Variants in RNF19B observed in about 807,000 individuals in gnomAD.
RNF19B encodes ring finger protein 19B.
RNF19B carries 23 observed loss-of-function variants against 65.5 expected under a neutral mutation model. That is an observed-to-expected ratio of 0.35 (90% CI 0.25 to 0.50). The LOEUF (loss-of-function observed/expected upper bound fraction) is 0.50. RNF19B is among the 20% of genes least tolerant of loss of function. The pLI, the probability that RNF19B is intolerant of heterozygous loss-of-function variation, is 0.98. For synonymous variants in RNF19B, 372 were observed against 379.6 expected (o/e 0.98, Z 0.23); for missense variants, 794 against 980.0 (o/e 0.81, Z 2.53).
chr1:32,952,615 G>A lies in RNF19B; in HGVS notation c.636-2841C>T, dbSNP rs1219967180. On this transcript the variant is annotated intron_variant, in intron 1 of 8. Transcript: ENST00000235150. ...AAATTAGCTGGGCATGGTGGCGGGC[G>A]CCTGTAATCCCAGCTACTCAGGAGG... 4.0e-5 allele frequency among the ~76,000 whole-genome samples: 6 copies of A among 150,362 alleles called. 1 individual carries two copies. The highest frequency in any genetic ancestry group is 3.9e-4 in the East Asian group (2 of 5,170).
intron 4 of RNF19B, 57 bp downstream of exon 4, chr1:32,946,345 C>A (rs780027556): frequency 5.6e-5 from 85 of 1,521,660 alleles, no homozygotes; most frequent in Non-Finnish European, 7.4e-5. Flanking sequence ...TTCCCTCAAA[C>A]CTTTACTAAC....
At chr1:32,956,071 GA>G (rs1642632203) in intron 1 of RNF19B, among the ~76,000 whole-genome samples, 2 of 151,814 alleles carry the variant, frequency 1.3e-5, no homozygotes, top group Admixed American at 1.3e-4. Flanking sequence ...CTCTACGAAA[GA>G]CACAAAAATT....
Position 32,940,542 on chromosome 1 carries a change from A to G in RNF19B, c.1610+1710T>C, listed in dbSNP as rs77616631. ...GGGCTTTCATGTTGCTTTTCCCTAT[A>G]TTCTCTATACTGAACCAAAATTAGT... On this transcript the variant is annotated intron_variant, in intron 7 of 8. Transcript: ENST00000235150. Among the ~76,000 whole-genome samples the G allele has an allele frequency of 7.6e-3, 1,157 of 152,224 alleles. 4 individuals are homozygous for G. Among genetic ancestry groups the G allele is most frequent in the Middle Eastern group, 0.017 (5 of 292 alleles).
downstream of RNF19B, among the ~76,000 whole-genome samples, chr1:32,934,978 T>C (rs900893450): frequency 2.1e-5 from 3 of 141,070 alleles, no homozygotes; most frequent in Non-Finnish European, 3.1e-5. Flanking sequence ...ACTACAGGTG[T>C]GCGCCACCAC....
rs1398449978 is a variant in RNF19B, at chr1:32,938,432, G to A, written c.1707C>T (p.Ala569=). Residue 569 remains alanine, a synonymous_variant, in exon 8 of 9, where the codon GCC becomes GCT. Transcript: ENST00000235150. ...GGTTGTAGGAACTGATTATGGAACC[G>A]GCCATAGCACGAGTGCTTGCGTTGT... ...ISDNASTRAM[A]GSIISSYNPQ... The A allele has an allele frequency of 1.2e-6, 2 of 1,614,036 alleles. No homozygotes were observed. The highest frequency in any genetic ancestry group is 8.5e-7 in the Non-Finnish European group (1 of 1,180,024).
rs188312666 is a variant in RNF19B at position 32,953,002 on chromosome 1, C to T, written c.636-3228G>A. 3.5e-3 allele frequency among the ~76,000 whole-genome samples: 490 copies of T among 141,626 alleles called. 3 individuals are homozygous for T. Among genetic ancestry groups the T allele is most frequent in the African/African-American group, 0.012 (447 of 38,000 alleles). The allele number at this position is 141,626 out of a possible 152,430, so 92.9% of individuals were successfully genotyped here. ...TTTTTTTTGAAGACAAGGTCCCACT[C>T]TGTTGCCCAGCTTCTGGACAGTGGT... On this transcript the variant is annotated intron_variant, in intron 1 of 8. Coordinates refer to ENST00000235150, the MANE Select transcript of RNF19B (RefSeq NM_001300826.2).
intron 2 of RNF19B, 53 bp from the exon 3 acceptor site, chr1:32,948,416 GTTTGA>G (rs776545258): frequency 2.5e-6 from 4 of 1,576,924 alleles, no homozygotes; most frequent in Non-Finnish European, 3.5e-6. Context: ...GTTAAATCCA[GTTTGA>G]TTTAATTGTT....
Position 32,936,862 on chromosome 1 carries a change from C to A in RNF19B, c.2140G>T (p.Ala714Ser). 6.2e-7 allele frequency: 1 copy of A among 1,609,140 alleles called. No homozygotes were observed. The change falls in exon 9 of 9, where the codon GCC (alanine) becomes TCC (serine). Residue 714 changes from alanine to serine, a missense_variant. Ala to Ser is a moderately conservative substitution (Grantham distance 99). This residue lies in a region of RNF19B where 368 missense variants were observed against 447.3 expected (regional missense o/e 0.82). Transcript: ENST00000235150. ...PSPSAHMNLSALAEGQTVLKP... is the reference protein window; with the variant it reads ...PSPSAHMNLSSLAEGQTVLKP... ...AAGACAGTTTGTCCCTCGGCTAGGG[C>A]AGAGAGGTTCATATGGGCACTTGGG...
At chr1:32,955,104 T>C (rs565700285) in intron 1 of RNF19B, among the ~76,000 whole-genome samples, 4 of 152,246 alleles carry the variant, frequency 2.6e-5, no homozygotes, top group Admixed American at 2.6e-4. Context: ...TAACTGTTTA[T>C]ATGCTTGCCT....
intron 1 of RNF19B, among the ~76,000 whole-genome samples, chr1:32,952,450 A>AAC (rs1642527915): frequency 6.7e-6 from 1 of 148,912 alleles, no homozygotes; most frequent in African/African-American, 2.5e-5. Flanking sequence ...AAAAAAAAAA[A>AAC]AAAAAAAAAC....
intron 1 of RNF19B, among the ~76,000 whole-genome samples, chr1:32,951,606 C>T (rs528292673): frequency 1.4e-4 from 21 of 152,334 alleles, no homozygotes; most frequent in Admixed American, 1.4e-3. Context: ...ACCATAGTCA[C>T]AGAGACAATA....
intron 6 of RNF19B, 34 bp from the exon 7 acceptor site, chr1:32,942,493 G>A (rs1353024871): frequency 6.3e-7 from 1 of 1,575,138 alleles, no homozygotes; most frequent in East Asian, 2.3e-5. Context: ...ATTCAAGACA[G>A]CAGAGCATCA....
chr1:32,942,607 A>G (rs376782443), intron 6 of RNF19B, 148 bp from the exon 7 acceptor site: 1 of 606,142 alleles, frequency 1.6e-6, no homozygotes, highest in East Asian at 2.8e-5. Flanking sequence ...GTGTTTTAAC[A>G]TATGTTCATA....
intron 6 of RNF19B, among the ~76,000 whole-genome samples, chr1:32,943,701 A>G (rs553522128): frequency 6.6e-6 from 1 of 152,308 alleles, no homozygotes; most frequent in South Asian, 2.1e-4. Flanking sequence ...AGCAAGTGAG[A>G]TAATTGTGTA....
Position 32,941,539 on chromosome 1 carries a change from C to CA in RNF19B, c.1610+712dup, listed in dbSNP as rs200456820. On this transcript the variant is annotated intron_variant, in intron 7 of 8. Coordinates refer to ENST00000235150, the MANE Select transcript of RNF19B (RefSeq NM_001300826.2). ...TGGGCGACAGAGCAAGACTCCGTCT[C>CA]AAAAAAATAAAATAAAATAAATAAG... 1.9e-4 allele frequency among the ~76,000 whole-genome samples: 26 copies of CA among 136,928 alleles called. No homozygotes were observed. The South Asian group carries it at 6.1e-3, about 32-fold the overall frequency. 89.8% of individuals were successfully genotyped at this position (136,928 alleles called of 152,430 possible).
At chr1:32,944,863 T>A (rs1642327898) in intron 5 of RNF19B, among the ~76,000 whole-genome samples, 1 of 152,108 alleles carries the variant, frequency 6.6e-6, no homozygotes, top group Non-Finnish European at 1.5e-5. Context: ...TGATTTTCTG[T>A]ATTTTTAGTA....
intron 2 of RNF19B, among the ~76,000 whole-genome samples, chr1:32,949,176 C>G (rs1642432683): frequency 6.6e-6 from 1 of 152,162 alleles, no homozygotes; most frequent in African/African-American, 2.4e-5. Flanking sequence ...TACTCTACTT[C>G]CAAAGGCAGT....
chr1:32,935,119 T>G (rs549042746), downstream of RNF19B, among the ~76,000 whole-genome samples: 1 of 151,794 alleles, frequency 6.6e-6, no homozygotes, highest in Non-Finnish European at 1.5e-5. Context: ...TGTGAACCAC[T>G]GCGCCCAGCC....
chr1:32,937,193 A>G lies in RNF19B; in HGVS notation c.1809T>C (p.Ser603=), dbSNP rs755724620. The G allele has an allele frequency of 3.7e-6, 6 of 1,613,786 alleles. No homozygotes were observed. The highest frequency in any genetic ancestry group is 5.1e-6 in the Non-Finnish European group (6 of 1,179,966). ...EAKPSHYQLV[S]GSSTEDSLHV... ...GGAGCGAGTCCTCCGTGCTGCTTCCACTCACCAGCTGATAGTGGCTTGGTT... is the reference window on the plus strand; with the variant it reads ...GGAGCGAGTCCTCCGTGCTGCTTCCGCTCACCAGCTGATAGTGGCTTGGTT... The change falls in exon 9 of 9, where the codon AGT becomes AGC. Residue 603 remains serine (S), a synonymous_variant. Coordinates refer to ENST00000235150, the MANE Select transcript of RNF19B (RefSeq NM_001300826.2).
Sources: gnomAD v4.1 joint callset for allele counts (sites outside exome capture counted in the v4.1 genomes callset) on GRCh38, gnomAD v4.1.1 for gene constraint, gnomAD v4.1.1 regional missense constraint, MANE v1.5 for transcripts, NCBI Gene and HGNC (gene_info 2026-07-23, HGNC 2026-07-21) for gene names.